CTNNA2: variants seen among roughly 807,000 people sequenced by gnomAD.
CTNNA2 encodes catenin alpha-2.
A neutral mutation model predicts 101.0 loss-of-function variants in CTNNA2; 42 were observed. The observed-to-expected ratio is 0.42, with a 90% CI of 0.32 to 0.54. CTNNA2 has a LOEUF of 0.54. Among genes scored for constraint, CTNNA2 ranks in the 20% least tolerant of loss-of-function variants. The pLI is 0.14. For synonymous variants in CTNNA2, 450 were observed against 456.4 expected, an observed-to-expected ratio of 0.99 and a Z score of 0.18; for missense variants, 871 against 1,223.1, an observed-to-expected ratio of 0.71 and a Z score of 4.29.
intron 7 of CTNNA2, among the ~76,000 whole-genome samples, chr2:80,360,963 T>C (rs1048399749): frequency 3.3e-5 from 5 of 152,094 alleles, no homozygotes; most frequent in African/African-American, 1.2e-4. Context: ...GTGGGTTTTT[T>C]TTAAATAGAT....
intron 1 of CTNNA2, among the ~76,000 whole-genome samples, chr2:79,616,909 C>CTTTTTTT (rs1425285033): frequency 1.4e-5 from 2 of 146,346 alleles, no homozygotes; most frequent in African/African-American, 5.3e-5. Context: ...TTCTTTCTTT[C>CTTTTTTT]TTTTTTTTTC....
intron 7 of CTNNA2, among the ~76,000 whole-genome samples, chr2:80,233,451 T>C (rs1416342688): frequency 2.6e-5 from 4 of 152,176 alleles, no homozygotes; most frequent in Non-Finnish European, 5.9e-5. Context: ...TTCCATCTTA[T>C]CTCAATTGCA....
At chr2:80,065,923 T>G (rs1291732933) in intron 7 of CTNNA2, among the ~76,000 whole-genome samples, 3 of 152,186 alleles carry the variant, frequency 2.0e-5, no homozygotes, top group Non-Finnish European at 4.4e-5. Flanking sequence ...TGAAATAACT[T>G]AAAGATTGAC....
chr2:80,592,699 A>G (rs1258526697), intron 15 of CTNNA2, among the ~76,000 whole-genome samples: 1 of 136,684 alleles, frequency 7.3e-6, no homozygotes, highest in Non-Finnish European at 1.6e-5. Context: ...ATTTGCAAAT[A>G]CCCTTTTTAT....
chr2:79,613,245 A>G (rs1678402822), intron 1 of CTNNA2, among the ~76,000 whole-genome samples: 1 of 151,828 alleles, frequency 6.6e-6, no homozygotes, highest in South Asian at 2.1e-4. Context: ...TGAAGCTTCA[A>G]CCTCAGGAAG....
At chr2:80,488,814 A>T (rs1027077326) in intron 9 of CTNNA2, among the ~76,000 whole-genome samples, 1 of 152,226 alleles carries the variant, frequency 6.6e-6, no homozygotes, top group Non-Finnish European at 1.5e-5. Flanking sequence ...TTCAGAATAA[A>T]TCAACCATTA....
intron 7 of CTNNA2, among the ~76,000 whole-genome samples, chr2:80,141,006 A>T (rs1702971923): frequency 6.6e-6 from 1 of 152,026 alleles, no homozygotes; most frequent in Non-Finnish European, 1.5e-5. Context: ...CATCCTTGAA[A>T]CTGCCAGTCT....
intron 9 of CTNNA2, among the ~76,000 whole-genome samples, chr2:80,450,445 C>G (rs549124984): frequency 6.6e-6 from 1 of 152,034 alleles, no homozygotes; most frequent in Non-Finnish European, 1.5e-5. Flanking sequence ...TTCTAAAGGA[C>G]AAAGATGTGC....
intron 7 of CTNNA2, among the ~76,000 whole-genome samples, chr2:79,966,619 A>T (rs1034370872): frequency 6.6e-6 from 1 of 152,146 alleles, no homozygotes. Context: ...ACAGGAAGGA[A>T]AAAAGCTGGG....
intron 4 of CTNNA2, among the ~76,000 whole-genome samples, chr2:79,400,093 A>T (rs1056604455): frequency 1.3e-5 from 2 of 152,086 alleles, no homozygotes; most frequent in African/African-American, 4.8e-5. Flanking sequence ...CCAGAAAGGC[A>T]GGACAACTCA....
At chr2:80,127,808 A>T (rs1216778922) in intron 7 of CTNNA2, among the ~76,000 whole-genome samples, 1 of 152,140 alleles carries the variant, frequency 6.6e-6, no homozygotes, top group Non-Finnish European at 1.5e-5. Context: ...CTGGGCTATC[A>T]ATTAGTGTAG....
chr2:80,128,517 G>A (rs1573166516), intron 7 of CTNNA2, among the ~76,000 whole-genome samples: 1 of 152,056 alleles, frequency 6.6e-6, no homozygotes, highest in Non-Finnish European at 1.5e-5. Flanking sequence ...TCAAAGCAAC[G>A]TAAGTTAAAA....
chr2:79,259,596 AGATAGGGT>A, intron 2 of CTNNA2, among the ~76,000 whole-genome samples: 1 of 152,242 alleles, frequency 6.6e-6, no homozygotes, highest in Middle Eastern at 3.4e-3. Flanking sequence ...ATCCTGCAGG[AGATAGGGT>A]ACAGGACAAG....
At chr2:79,823,822 C>T (rs1359185759) in intron 3 of CTNNA2, among the ~76,000 whole-genome samples, 1 of 152,074 alleles carries the variant, frequency 6.6e-6, no homozygotes, top group East Asian at 1.9e-4. Context: ...CCTTACCCCA[C>T]CTCACAAATA....
At chr2:79,270,118 A>C (rs1675045787) in intron 2 of CTNNA2, among the ~76,000 whole-genome samples, 2 of 135,240 alleles carry the variant, frequency 1.5e-5, no homozygotes, top group East Asian at 4.7e-4. Flanking sequence ...ATATCCTGTT[A>C]GGCTCAGCCC....
In CTNNA2 at chr2:79,344,993, G is replaced by A. The variant is rs1677229223; in HGVS notation, c.-317-28838G>A. On this transcript the variant is annotated intron_variant, in intron 3 of 21. Coordinates refer to the CTNNA2 transcript ENST00000466387. ...AAGTGTTAAATCCTTTGTACTTGTAGTATTTTAACTTTGTTTTCTGTATTT... is the reference window on the plus strand; with the variant it reads ...AAGTGTTAAATCCTTTGTACTTGTAATATTTTAACTTTGTTTTCTGTATTT... Among the ~76,000 whole-genome samples, 3 of 150,342 alleles carry A rather than the reference G, an allele frequency of 2.0e-5. No individual in the cohort carries two copies. In the South Asian group the frequency reaches 6.3e-4, roughly 31 times the overall value.
intron 7 of CTNNA2, among the ~76,000 whole-genome samples, chr2:80,367,745 G>T (rs891485642): frequency 1.3e-5 from 2 of 151,932 alleles, no homozygotes; most frequent in African/African-American, 2.4e-5. Flanking sequence ...AAAAAAAGAG[G>T]TAAGTATTCA....
At chr2:79,615,343 T>A (rs111396018) in intron 1 of CTNNA2, among the ~76,000 whole-genome samples, 3,161 of 152,250 alleles carry the variant, frequency 0.021, 117 homozygotes, top group African/African-American at 0.072. Context: ...TTCCTGAAAT[T>A]TCAGTTTTCT....
At chr2:79,550,755 T>C (rs1674050330) in intron 1 of CTNNA2, among the ~76,000 whole-genome samples, 1 of 152,192 alleles carries the variant, frequency 6.6e-6, no homozygotes, top group Non-Finnish European at 1.5e-5. Flanking sequence ...CCAGTAGGAC[T>C]GCATAGTTCC....
Sources: gnomAD v4.1 joint callset for allele counts (sites outside exome capture counted in the v4.1 genomes callset) on GRCh38, gnomAD v4.1.1 for gene constraint, MANE v1.5 for transcripts, NCBI Gene and HGNC (gene_info 2026-07-23, HGNC 2026-07-21) for gene names.